The following EYS variants were observed in gnomAD, a reference collection of about 807,000 sequenced individuals.
EYS encodes the protein EGF-like photoreceptor maintenance factor, also known as protein eyes shut homolog.
In EYS, 250 loss-of-function variants were observed where a neutral mutation model predicts 282.1. The ratio of observed to expected loss-of-function variants is 0.89; its 90% confidence interval spans 0.80 to 0.98. EYS has a LOEUF of 0.98. Ranked by LOEUF, EYS falls within the 50% of genes least tolerant of loss-of-function variation. EYS has a pLI of 0.00. For missense variants in EYS, 4,016 were observed against 3,709.0 expected (o/e 1.08, Z -2.15); for synonymous variants, 1,355 against 1,282.9 (o/e 1.06, Z -1.20).
intron 19 of EYS, among the ~76,000 whole-genome samples, chr6:64,881,672 T>A (rs1269700096): frequency 1.3e-5 from 2 of 151,798 alleles, no homozygotes; most frequent in Non-Finnish European, 2.9e-5. Flanking sequence ...TACACATTTG[T>A]GACATTAGCA....
In EYS at chr6:64,022,371, AT is replaced by A. The variant is rs530004869; in HGVS notation, c.6726-23189del. ...TATCCAGAATCTATTCATGGGAGATATTTTTTTTCTAATCTGTTTTTAGTGC... is the reference window on the plus strand; with the variant it reads ...TATCCAGAATCTATTCATGGGAGATATTTTTTTCTAATCTGTTTTTAGTGC... On this transcript the variant is annotated intron_variant, in intron 33 of 42. Transcript: ENST00000503581. Among the ~76,000 whole-genome samples the A allele has an allele frequency of 3.3e-5, 5 of 152,108 alleles. No homozygotes were observed. The South Asian group carries it at 6.2e-4, about 19-fold the overall frequency.
At chr6:65,140,280 G>A (rs1455552741) in intron 12 of EYS, among the ~76,000 whole-genome samples, 4 of 151,596 alleles carry the variant, frequency 2.6e-5, no homozygotes, top group African/African-American at 4.8e-5. Context: ...AAAAGGCAGA[G>A]GAAAGAATTG....
At chr6:64,747,560 G>T (rs1464025053) in intron 22 of EYS, among the ~76,000 whole-genome samples, 1 of 151,946 alleles carries the variant, frequency 6.6e-6, no homozygotes, top group Non-Finnish European at 1.5e-5. Flanking sequence ...TTTGTATTTT[G>T]GTAGAGACCA....
intron 11 of EYS, among the ~76,000 whole-genome samples, chr6:65,306,485 G>T (rs535503279): frequency 6.6e-6 from 1 of 151,918 alleles, no homozygotes; most frequent in Non-Finnish European, 1.5e-5. Context: ...TACTTATTTC[G>T]CTTTTGGAAT....
At chr6:65,168,590 A>G (rs987915713) in intron 12 of EYS, among the ~76,000 whole-genome samples, 12 of 151,032 alleles carry the variant, frequency 7.9e-5, no homozygotes, top group Non-Finnish European at 1.6e-4. Context: ...ATGACCTAAT[A>G]TTGCCTTAAA....
intron 12 of EYS, among the ~76,000 whole-genome samples, chr6:65,268,479 T>C (rs1459952345): frequency 6.6e-6 from 1 of 152,060 alleles, no homozygotes; most frequent in Non-Finnish European, 1.5e-5. Flanking sequence ...CCATAAAATA[T>C]ATTTGAGAAA....
intron 30 of EYS, among the ~76,000 whole-genome samples, chr6:64,249,488 C>G (rs1767134639): frequency 6.6e-6 from 1 of 152,066 alleles, no homozygotes; most frequent in Non-Finnish European, 1.5e-5. Context: ...ACTGTGCAAT[C>G]TATGCATATA....
chr6:65,607,852 T>C (rs1000767397), intron 2 of EYS, among the ~76,000 whole-genome samples: 3 of 152,024 alleles, frequency 2.0e-5, no homozygotes, highest in African/African-American at 7.2e-5. Context: ...GTTAGAAAAT[T>C]ACATTTCATC....
chr6:64,366,075 C>A (rs1024633270), intron 29 of EYS, among the ~76,000 whole-genome samples: 1 of 152,052 alleles, frequency 6.6e-6, no homozygotes, highest in Non-Finnish European at 1.5e-5. Context: ...GATCACATAA[C>A]TAAGTCTGCA....
chr6:65,581,968 T>G (rs1197124247), intron 2 of EYS, among the ~76,000 whole-genome samples: 1 of 151,762 alleles, frequency 6.6e-6, no homozygotes, highest in Non-Finnish European at 1.5e-5. Flanking sequence ...GGCCAGCAGA[T>G]CATGAGGTGA....
At chr6:64,330,292 TG>T (rs1249085005) in intron 29 of EYS, among the ~76,000 whole-genome samples, 2 of 152,174 alleles carry the variant, frequency 1.3e-5, no homozygotes, top group African/African-American at 4.8e-5. Context: ...AGACTGTGTG[TG>T]GCATTCCTCA....
chr6:65,490,111 G>T (rs1765983701), intron 5 of EYS: 1 of 153,500 alleles, frequency 6.5e-6, no homozygotes. Context: ...ATGTAACCCA[G>T]AACTTAAAGT....
chr6:64,239,935 G>A (rs1462447933), intron 30 of EYS, among the ~76,000 whole-genome samples: 1 of 152,112 alleles, frequency 6.6e-6, no homozygotes, highest in African/African-American at 2.4e-5. Context: ...TTTGTATAAG[G>A]CGTAAGGAAG....
At chr6:65,197,547 T>C (rs977292516) in intron 12 of EYS, among the ~76,000 whole-genome samples, 3 of 152,118 alleles carry the variant, frequency 2.0e-5, no homozygotes, top group Admixed American at 6.6e-5. Flanking sequence ...ATCAGCCACA[T>C]TGATGACATT....
intron 41 of EYS, among the ~76,000 whole-genome samples, chr6:63,730,059 C>T (rs1220612324): frequency 6.6e-6 from 1 of 152,150 alleles, no homozygotes; most frequent in Non-Finnish European, 1.5e-5. Context: ...TTCCTCAGAT[C>T]AGCAAATGGT....
chr6:65,056,834 C>A (rs975940765), intron 13 of EYS, among the ~76,000 whole-genome samples: 5 of 151,866 alleles, frequency 3.3e-5, no homozygotes, highest in African/African-American at 1.2e-4. Context: ...ATTTAAATTA[C>A]ATTCAACTAA....
At chr6:64,898,597 A>G (rs550693381) in intron 18 of EYS, among the ~76,000 whole-genome samples, 2 of 151,978 alleles carry the variant, frequency 1.3e-5, no homozygotes, top group South Asian at 4.2e-4. Flanking sequence ...AATTAAACAC[A>G]TAACAAAATT....
At chr6:63,994,582 A>C (rs1315028248) in intron 34 of EYS, among the ~76,000 whole-genome samples, 3 of 151,910 alleles carry the variant, frequency 2.0e-5, no homozygotes, top group Admixed American at 6.6e-5. Flanking sequence ...ATAACAAAAG[A>C]ATGAAGACAA....
chr6:64,845,428 C>T (rs1268819857), intron 19 of EYS, among the ~76,000 whole-genome samples: 1 of 152,096 alleles, frequency 6.6e-6, no homozygotes, highest in Admixed American at 6.6e-5. Context: ...ATTCATCTTC[C>T]ATGGTGCATA....
Sources: allele counts gnomAD v4.1 joint callset (sites outside exome capture counted in the v4.1 genomes callset), GRCh38; gene constraint gnomAD v4.1.1; transcripts MANE v1.5; gene names NCBI Gene and HGNC (gene_info 2026-07-23, HGNC 2026-07-21).